The following RBM18 variants were observed in gnomAD, a reference collection of about 807,000 sequenced individuals.
RBM18 encodes probable RNA-binding protein 18.
In RBM18, 18 loss-of-function variants were observed where a neutral mutation model predicts 26.4. The observed-to-expected ratio is 0.68, with a 90% CI of 0.47 to 1.01. RBM18 has a LOEUF of 1.01. RBM18 is among the 50% of genes least tolerant of loss of function. The pLI, the probability that RBM18 is intolerant of heterozygous loss-of-function variation, is 0.00. For synonymous variants in RBM18, 74 were observed against 81.1 expected, an observed-to-expected ratio of 0.91 and a Z score of 0.47; for missense variants, 180 against 219.2, an observed-to-expected ratio of 0.82 and a Z score of 1.13.
In RBM18 at chr9:122,238,880, G is replaced by A. The variant is rs952385671; in HGVS notation, c.*3004C>T. The A allele has an allele frequency of 6.6e-6, 1 of 152,260 alleles. No homozygotes were observed. Among genetic ancestry groups the A allele is most frequent in the African/African-American group, 2.4e-5 (1 of 41,464 alleles). The allele number at this position is 152,260 out of a possible 1,614,324, so 9.4% of individuals were successfully genotyped here. ...GGTGGCTTTAAGAAAAATGGTGGTA[G>A]TGTTGGAGGTGGTGAGATGGCTGGA... On this transcript the variant is annotated 3_prime_UTR_variant, in exon 6 of 6. Transcript: ENST00000417201.
intron 2 of RBM18, among the ~76,000 whole-genome samples, chr9:122,258,364 G>C (rs1831731689): frequency 6.6e-6 from 1 of 152,000 alleles, no homozygotes; most frequent in Non-Finnish European, 1.5e-5. Context: ...TGCCCTCCGG[G>C]TTCAAGTGAT....
intron 4 of RBM18, 87 bp downstream of exon 4, chr9:122,247,431 T>C (rs1831521790): frequency 1.8e-6 from 2 of 1,087,880 alleles, no homozygotes; most frequent in Admixed American, 1.7e-5. Flanking sequence ...GTGAAGAGAT[T>C]GGGACATAAA....
At chr9:122,252,082 C>T (rs1268768638) in intron 2 of RBM18, 109 bp from the exon 3 acceptor site, 7 of 1,424,888 alleles carry the variant, frequency 4.9e-6, no homozygotes, top group African/African-American at 2.8e-5. Flanking sequence ...TGAAATCTCT[C>T]GCCCCAGCCC....
Position 122,261,417 on chromosome 9 carries a change from G to A in RBM18, c.76C>T (p.Arg26Ter), listed in dbSNP as rs1188730969. 6.2e-7 allele frequency: 1 copy of A among 1,614,054 alleles called. No homozygotes were observed. Among genetic ancestry groups the A allele is most frequent in the Admixed American group, 1.7e-5 (1 of 60,022 alleles). ...LSEGSLQEGH[R>*]LWIGNLDPKI... The stretch of plus-strand genomic sequence containing the variant: ...GGGTCCAGGTTGCCAATCCATAATC[G>A]GTGTCCTTCCTGCAGAGAGCCCTCT... The change falls in exon 2 of 6, where the codon CGA (arginine) becomes TGA (stop). Residue 26 changes from arginine to a stop codon, truncating the protein, a stop_gained. Coordinates refer to ENST00000417201, the MANE Select transcript of RBM18 (RefSeq NM_033117.4). LOFTEE classifies it high-confidence loss of function.
At chr9:122,250,609 A>AAT (rs1224848989) in intron 3 of RBM18, among the ~76,000 whole-genome samples, 1 of 152,234 alleles carries the variant, frequency 6.6e-6, no homozygotes, top group Non-Finnish European at 1.5e-5. Flanking sequence ...GTGAAACCAC[A>AAT]ATATCAAGAT....
intron 1 of RBM18, among the ~76,000 whole-genome samples, chr9:122,264,377 C>A (rs181603139): frequency 6.6e-6 from 1 of 152,340 alleles, no homozygotes; most frequent in East Asian, 1.9e-4. Context: ...ATCCTTTAGA[C>A]TACCAGAGTT....
At chr9:122,243,838 A>G (rs1192597907) in intron 5 of RBM18, 5 of 985,038 alleles carry the variant, frequency 5.1e-6, no homozygotes, top group Non-Finnish European at 6.0e-6. Flanking sequence ...TTAGGCATAG[A>G]TGTTAATAGA....
Position 122,245,255 on chromosome 9 carries a change from C to A in RBM18, c.413+1G>T. On this transcript the variant is annotated splice_donor_variant, in intron 5 of 5. Coordinates refer to ENST00000417201, the MANE Select transcript of RBM18 (RefSeq NM_033117.4). LOFTEE classifies it high-confidence loss of function. ...TGTCTTTCTATAGTACATCATCTTA[C>A]CTTAGGTTAGACTGAGTAGGCTCAG... is the stretch of plus-strand genomic sequence containing the variant. 6.4e-7 allele frequency: 1 copy of A among 1,567,382 alleles called. No individual in the cohort carries two copies. The highest frequency in any genetic ancestry group is 8.8e-7 in the Non-Finnish European group (1 of 1,138,244).
chr9:122,247,753 C>A (rs1400776134), intron 3 of RBM18, 149 bp from the exon 4 acceptor site: 4 of 593,288 alleles, frequency 6.7e-6, no homozygotes, highest in Non-Finnish European at 8.9e-6. Flanking sequence ...TTTTACAAGG[C>A]AGAATTTTAA....
At chr9:122,257,243 G>A (rs1054446108) in intron 2 of RBM18, among the ~76,000 whole-genome samples, 1 of 152,032 alleles carries the variant, frequency 6.6e-6, no homozygotes, top group Admixed American at 6.6e-5. Flanking sequence ...CCGGGTTCAC[G>A]CCATTCTCCT....
intron 2 of RBM18, among the ~76,000 whole-genome samples, chr9:122,253,982 C>T (rs1481447156): frequency 6.7e-6 from 1 of 150,284 alleles, no homozygotes; most frequent in East Asian, 2.0e-4. Context: ...GAACCGAGAT[C>T]GCACCACTGC....
At chr9:122,245,175 T>C in intron 5 of RBM18, 81 bp downstream of exon 5, 1 of 817,912 alleles carries the variant, frequency 1.2e-6, no homozygotes, top group South Asian at 1.5e-5. Context: ...GAAGACTCAC[T>C]ATTTTATGAA....
chr9:122,251,667 G>A (rs1273992578), intron 3 of RBM18, among the ~76,000 whole-genome samples, 180 bp downstream of exon 3: 1 of 152,236 alleles, frequency 6.6e-6, no homozygotes, highest in Non-Finnish European at 1.5e-5. Flanking sequence ...AGTGAATTGT[G>A]AAAGCCACTA....
chr9:122,250,234 C>T (rs1248671717), intron 3 of RBM18, among the ~76,000 whole-genome samples: 1 of 151,992 alleles, frequency 6.6e-6, no homozygotes, highest in Non-Finnish European at 1.5e-5. Flanking sequence ...ATGACACTAC[C>T]ATACAATCTC....
chr9:122,254,425 G>T, intron 2 of RBM18: 2 of 298,786 alleles, frequency 6.7e-6, no homozygotes, highest in Non-Finnish European at 9.9e-6. Flanking sequence ...GGGACTGCAG[G>T]CTCTGATAGT....
At position 122,242,029 on chromosome 9, in the gene RBM18, A is replaced by C; in HGVS notation, c.428T>G (p.Ile143Arg). 1 of 1,614,018 alleles carries C rather than the reference A, an allele frequency of 6.2e-7. No individual in the cohort carries two copies. The highest frequency in any genetic ancestry group is 8.5e-7 in the Non-Finnish European group (1 of 1,179,966). ...TQSNLSVTAK[I>R]KAIEAKLKMM... is the part of the protein sequence containing the mutation. ...TTTCAGTTTTGCTTCAATGGCTTTT[A>C]TCTTTGCAGTGACACTGGAAAAATA... is the stretch of plus-strand genomic sequence containing the variant. Residue 143 changes from isoleucine to arginine, a missense_variant, in exon 6 of 6, where the codon ATA (isoleucine) becomes AGA (arginine). This residue lies in a region of RBM18 where 103 missense variants were observed against 102.8 expected (regional missense o/e 1.00). Coordinates refer to ENST00000417201, the MANE Select transcript of RBM18 (RefSeq NM_033117.4).
At chr9:122,248,367 G>C (rs1387951459) in intron 3 of RBM18, among the ~76,000 whole-genome samples, 1 of 152,150 alleles carries the variant, frequency 6.6e-6, no homozygotes, top group African/African-American at 2.4e-5. Flanking sequence ...CCGTTAGGTA[G>C]GGTAGCACCT....
In RBM18 at chr9:122,261,480, T is replaced by A. The variant is rs752115212; in HGVS notation, c.13A>T (p.Thr5Ser). ...GCATTCTCCAGGGGAAGAGTTTTGG[T>A]TTCTGCTTCCATCAATGTCTATGAA... is the stretch of plus-strand genomic sequence containing the variant. MEAE[T>S]KTLPLENASI... The change falls in exon 2 of 6, where the codon ACC becomes TCC. Residue 5 changes from threonine to serine, a missense_variant. Physicochemically the swap from Thr to Ser is moderately conservative, Grantham distance 58. Around this residue, in one of 3 missense-constraint regions of RBM18, gnomAD observed 49 missense variants for 56.6 expected, o/e 0.87. Transcript: ENST00000417201. 6.2e-7 allele frequency: 1 copy of A among 1,613,184 alleles called. No homozygotes were observed. Among genetic ancestry groups the A allele is most frequent in the East Asian group, 2.2e-5 (1 of 44,880 alleles).
chr9:122,260,776 A>G (rs1426842995), intron 2 of RBM18, among the ~76,000 whole-genome samples: 1 of 152,164 alleles, frequency 6.6e-6, no homozygotes, highest in Non-Finnish European at 1.5e-5. Flanking sequence ...AGCAACTCTG[A>G]GCTCTTATTT....
Sources: allele counts gnomAD v4.1 joint callset (sites outside exome capture counted in the v4.1 genomes callset), GRCh38; gene constraint gnomAD v4.1.1; regional missense constraint gnomAD v4.1.1; transcripts MANE v1.5; gene names NCBI Gene and HGNC (gene_info 2026-07-23, HGNC 2026-07-21).